Variants in SF3B1 observed in about 807,000 individuals in gnomAD.
SF3B1 encodes the protein pre-mRNA processing 10.
SF3B1 carries 12 observed loss-of-function variants against 153.8 expected under a neutral mutation model. The ratio of observed to expected loss-of-function variants is 0.08; its 90% CI spans 0.05 to 0.13. The LOEUF (loss-of-function observed/expected upper bound fraction) is 0.13, where lower values mean the gene tolerates loss of function less well. Among genes scored for constraint, SF3B1 ranks in the 10% least tolerant of loss-of-function variants. SF3B1 has a pLI of 1.00. For synonymous variants in SF3B1, 498 were observed against 525.2 expected, an observed-to-expected ratio of 0.95 and a Z score of 0.71; for missense variants, 513 against 1,606.1, an observed-to-expected ratio of 0.32 and a Z score of 11.63.
intron 4 of SF3B1, chr2:197,418,879 T>C (rs1340835210): frequency 1.3e-6 from 2 of 1,579,572 alleles, no homozygotes; most frequent in Non-Finnish European, 1.7e-6. Flanking sequence ...CCTGGGTTGC[T>C]AATCCGGAAT....
chr2:197,418,986 T>C (rs1182821121), intron 4 of SF3B1: 2 of 1,497,842 alleles, frequency 1.3e-6, no homozygotes, highest in South Asian at 2.4e-5. Flanking sequence ...AGTAACACTT[T>C]GGAAAGATAT....
Position 197,403,769 on chromosome 2 carries a change from G to A in SF3B1, c.1540-5C>T. ...AGTAATCTGACGCAATGCAGCCTGG[G>A]AAAAAGAGCAGAGTAATAGGTGTGG... On this transcript the variant is annotated splice_region_variant and splice_polypyrimidine_tract_variant and intron_variant, in intron 11 of 24. Transcript: ENST00000335508. 1.3e-6 allele frequency: 2 copies of A among 1,570,858 alleles called. No homozygotes were observed. The highest frequency in any genetic ancestry group is 1.2e-5 in the South Asian group (1 of 82,292).
chr2:197,419,453 C>G (rs1301166772), intron 4 of SF3B1: 1 of 219,092 alleles, frequency 4.6e-6, no homozygotes, highest in Non-Finnish European at 9.1e-6. Context: ...TATAGCATCA[C>G]AATTTAGGAA....
chr2:197,408,317 A>G, intron 8 of SF3B1, 52 bp downstream of exon 8: 1 of 1,549,924 alleles, frequency 6.5e-7, no homozygotes, highest in Non-Finnish European at 8.9e-7. Flanking sequence ...AAAGGAAAAA[A>G]TTAAATAATT....
chr2:197,402,519 G>GAAAAA lies in SF3B1; in HGVS notation c.2077+32_2077+36dup. 1 of 1,283,812 alleles carries GAAAAA rather than the reference G, an allele frequency of 7.8e-7. No homozygotes were observed. The highest frequency in any genetic ancestry group is 1.1e-6 in the Non-Finnish European group (1 of 935,900). The allele number at this position is 1,283,812 out of a possible 1,614,324, so 79.5% of individuals were successfully genotyped here. Reference sequence around the variant, plus strand: ...ACATAGTAAGACCCTGTCTCCTAAAGAAAAAAAAAAAAAGACAAAGTTACA... The same window carrying GAAAAA: ...ACATAGTAAGACCCTGTCTCCTAAAGAAAAAAAAAAAAAAAAAAGACAAAGTTACA... On this transcript the variant is annotated intron_variant, in intron 14 of 24. Coordinates refer to ENST00000335508, the MANE Select transcript of SF3B1 (RefSeq NM_012433.4). This position sits in a 1 kb window ranked among gnomAD's most constrained non-coding sequence, Gnocchi z 4.6.
intron 1 of SF3B1, among the ~76,000 whole-genome samples, chr2:197,432,450 A>AT (rs1275809671): frequency 6.6e-6 from 1 of 152,232 alleles, no homozygotes; most frequent in African/African-American, 2.4e-5. Flanking sequence ...GATCTAAAAG[A>AT]TTTTATCTGA....
chr2:197,421,003 A>C (rs762063334), intron 3 of SF3B1, 26 bp downstream of exon 3: 8 of 1,429,850 alleles, frequency 5.6e-6, no homozygotes, highest in Non-Finnish European at 5.9e-6. Flanking sequence ...AGCTGAATAA[A>C]CTATGCTTTT....
chr2:197,416,100 G>A (rs867394090), intron 6 of SF3B1, among the ~76,000 whole-genome samples: 28 of 149,364 alleles, frequency 1.9e-4, no homozygotes, highest in African/African-American at 6.7e-4. Context: ...TTATAGGCAT[G>A]AGCCAATGCA....
intron 1 of SF3B1, among the ~76,000 whole-genome samples, chr2:197,427,683 T>C (rs191158303): frequency 8.9e-4 from 135 of 152,334 alleles, no homozygotes; most frequent in East Asian, 5.8e-4. Context: ...TTAGTGTTCA[T>C]TATATTTTGT....
chr2:197,433,966 TAA>T (rs1416229781), intron 1 of SF3B1, among the ~76,000 whole-genome samples: 1 of 152,228 alleles, frequency 6.6e-6, no homozygotes, highest in Non-Finnish European at 1.5e-5. Flanking sequence ...TTCTTCTACT[TAA>T]GCATGCATCT....
In SF3B1 at chr2:197,392,378, G is replaced by A. The variant is rs776675509; in HGVS notation, c.3840C>T (p.Leu1280=). ...NSIYIGSQDA[L]IAHYPRIYND... ...TGTAGATTCTTGGGTAATGTGCTAT[G>A]AGAGCGTCCTGGGAACCAATGTAGA... The change falls in exon 25 of 25, where the codon CTC becomes CTT. Residue 1280 remains leucine, a synonymous_variant. Coordinates refer to ENST00000335508, the MANE Select transcript of SF3B1 (RefSeq NM_012433.4). 32 of 1,607,056 alleles carry A rather than the reference G, an allele frequency of 2.0e-5. No individual in the cohort carries two copies. In the East Asian group the frequency reaches 6.7e-4, roughly 34 times the overall value.
intron 6 of SF3B1, among the ~76,000 whole-genome samples, chr2:197,414,455 A>C (rs1243591811): frequency 6.6e-6 from 1 of 152,238 alleles, no homozygotes; most frequent in Non-Finnish European, 1.5e-5. Flanking sequence ...AACAAGACTA[A>C]GGAGTAGTAG....
chr2:197,402,300 T>TGCTG lies in SF3B1; in HGVS notation c.2078-171_2078-170insCAGC. 1 of 769,260 alleles carries TGCTG rather than the reference T, an allele frequency of 1.3e-6. No homozygotes were observed. Among genetic ancestry groups the TGCTG allele is most frequent in the Non-Finnish European group, 2.0e-6 (1 of 489,046 alleles). 47.7% of individuals were successfully genotyped at this position (769,260 alleles called of 1,614,324 possible). A position where few individuals can be genotyped will look rare whatever the true frequency, so the allele number is the denominator to read the frequency against. ...AACCATAGCCTGTCAGCAGATAATA[T>TGCTG]AACAAACCCATCATAAAATCTATAG... On this transcript the variant is annotated intron_variant, in intron 14 of 24. Transcript: ENST00000335508. This position sits in a 1 kb window ranked among gnomAD's most constrained non-coding sequence, Gnocchi z 4.6.
intron 1 of SF3B1, among the ~76,000 whole-genome samples, chr2:197,427,423 A>C (rs994374974): frequency 8.5e-5 from 13 of 152,258 alleles, no homozygotes; most frequent in Non-Finnish European, 4.4e-5. Flanking sequence ...CCATAAAATT[A>C]AGCCGTCAGA....
In SF3B1 at chr2:197,402,378, T is replaced by C. The variant is rs1454275725; in HGVS notation, c.2077+178A>G. ...CTCCCCAAATCAGTAGCCCAAATTT[T>C]AGGACAGCTGTCCTATTAAACATGG... On this transcript the variant is annotated intron_variant, in intron 14 of 24. Transcript: ENST00000335508. The surrounding 1 kb of genome is among the most constrained non-coding windows in gnomAD (Gnocchi z 4.6). 4 of 695,158 alleles carry C rather than the reference T, an allele frequency of 5.8e-6. No individual in the cohort carries two copies. Among genetic ancestry groups the C allele is most frequent in the Non-Finnish European group, 2.4e-6 (1 of 425,288 alleles). 43.1% of individuals were successfully genotyped at this position (695,158 alleles called of 1,614,324 possible).
At position 197,401,680 on chromosome 2, in the gene SF3B1, T is replaced by G. The variant is rs1574528584; in HGVS notation, c.2370+62A>C. On this transcript the variant is annotated intron_variant, in intron 16 of 24. Transcript: ENST00000335508. This position sits in a 1 kb window ranked among gnomAD's most constrained non-coding sequence, Gnocchi z 4.2. ...TTTTTTGTTGATTTTTAAAAACACT[T>G]TAAAATTCTGTTAGAACCATGAAAC... The G allele has an allele frequency of 8.4e-6, 13 of 1,539,130 alleles. No homozygotes were observed. The East Asian group carries it at 2.9e-4, about 35-fold the overall frequency.
At chr2:197,433,890 C>G (rs2085481051) in intron 1 of SF3B1, among the ~76,000 whole-genome samples, 1 of 152,228 alleles carries the variant, frequency 6.6e-6, no homozygotes, top group Admixed American at 6.5e-5. Context: ...GGTCATGTAA[C>G]CTCCTCAGTG....
At position 197,402,126 on chromosome 2, in the gene SF3B1, A is replaced by G; in HGVS notation, c.2082T>C (p.Leu694=). Residue 694 remains leucine (L), a synonymous_variant, in exon 15 of 25, where the codon CTT becomes CTC. Coordinates refer to ENST00000335508, the MANE Select transcript of SF3B1 (RefSeq NM_012433.4). This position sits in a 1 kb window ranked among gnomAD's most constrained non-coding sequence, Gnocchi z 4.6. ...TCCGAACTTTCTGCTGCTCATCCAC[A>G]AGACCTACAAAACCAAACACAGGTT... ...RSLVEIIEHG[L]VDEQQKVRTI... The G allele has an allele frequency of 6.3e-7, 1 of 1,599,520 alleles. No individual in the cohort carries two copies. The highest frequency in any genetic ancestry group is 8.5e-7 in the Non-Finnish European group (1 of 1,171,952).
In SF3B1 at chr2:197,403,777, G is replaced by C. The variant is rs370861771; in HGVS notation, c.1540-13C>G. 4.5e-6 allele frequency: 7 copies of C among 1,564,516 alleles called. No individual in the cohort carries two copies. Among genetic ancestry groups the C allele is most frequent in the Non-Finnish European group, 5.2e-6 (6 of 1,162,558 alleles). On this transcript the variant is annotated splice_polypyrimidine_tract_variant and intron_variant, in intron 11 of 24. Coordinates refer to ENST00000335508, the MANE Select transcript of SF3B1 (RefSeq NM_012433.4). ...GACGCAATGCAGCCTGGGAAAAAGA[G>C]CAGAGTAATAGGTGTGGTTTCTTTA...
Sources: gnomAD v4.1 joint callset for allele counts (sites outside exome capture counted in the v4.1 genomes callset) on GRCh38, gnomAD v4.1.1 for gene constraint, Gnocchi (gnomAD v3.1) non-coding constraint, MANE v1.5 for transcripts, NCBI Gene and HGNC (gene_info 2026-07-23, HGNC 2026-07-21) for gene names.